Variants in NUDC observed in about 807,000 individuals in gnomAD.
NUDC encodes nuclear migration protein nudC.
NUDC carries 14 observed loss-of-function variants against 45.0 expected under a neutral mutation model. That is an observed-to-expected ratio of 0.31 (90% CI 0.21 to 0.49). The LOEUF is 0.49. Among genes scored for constraint, NUDC ranks in the 20% least tolerant of loss-of-function variants. NUDC has a pLI of 0.99. For missense variants in NUDC, 323 were observed against 426.2 expected, an observed-to-expected ratio of 0.76 and a Z score of 2.13; for synonymous variants, 153 against 156.7, an observed-to-expected ratio of 0.98 and a Z score of 0.17.
At chr1:26,945,522 CGTT>C (rs757421225) in intron 7 of NUDC, 43 bp from the exon 8 acceptor site, 7 of 1,611,024 alleles carry the variant, frequency 4.3e-6, no homozygotes, top group African/African-American at 4.0e-5. Flanking sequence ...TGAGGGGCCT[CGTT>C]GTTTCCAGAG....
chr1:26,933,465 G>A (rs181500135), intron 2 of NUDC, among the ~76,000 whole-genome samples: 214 of 152,148 alleles, frequency 1.4e-3, no homozygotes, highest in African/African-American at 4.8e-3. Context: ...CCAGGCTGGA[G>A]TGCAATGATG....
At chr1:26,921,994 C>G in intron 1 of NUDC, 65 bp downstream of exon 1, 1 of 1,483,406 alleles carries the variant, frequency 6.7e-7, no homozygotes, top group Non-Finnish European at 9.2e-7. Context: ...CCCTTCTCTG[C>G]CTTCGAGGGC....
At chr1:26,911,046 A>T (rs915810496) in intron 2 of NUDC, 1 of 455,354 alleles carries the variant, frequency 2.2e-6, no homozygotes, top group Admixed American at 2.5e-5. Flanking sequence ...CTTGGCCTTC[A>T]AGCAGTTGCC....
In NUDC at chr1:26,912,031, G is replaced by T. The variant is rs770359977; in HGVS notation, c.93+796G>T. 8.1e-6 allele frequency: 13 copies of T among 1,614,078 alleles called. No individual in the cohort carries two copies. The African/African-American group carries it at 1.2e-4, about 15-fold the overall frequency. On this transcript the variant is annotated intron_variant, in intron 3 of 6. Coordinates refer to the NUDC transcript ENST00000435827. ...GTTCCAGGACTTCACACAGCACCCA[G>T]TGAGCCTCCTGCTGCAGGTGCCCAA...
intron 2 of NUDC, among the ~76,000 whole-genome samples, chr1:26,935,947 A>G (rs1296348067): frequency 6.7e-6 from 1 of 149,108 alleles, no homozygotes; most frequent in Non-Finnish European, 1.5e-5. Context: ...GGGTAATATA[A>G]TGAGACTCCA....
chr1:26,928,956 G>A (rs1215864697), intron 2 of NUDC, among the ~76,000 whole-genome samples: 1 of 152,138 alleles, frequency 6.6e-6, no homozygotes, highest in Non-Finnish European at 1.5e-5. Flanking sequence ...GGATTTACTT[G>A]CACACCCATG....
intron 6 of NUDC, among the ~76,000 whole-genome samples, chr1:26,944,696 GGA>G (rs1212298789): frequency 6.6e-6 from 1 of 152,098 alleles, no homozygotes. Context: ...CAGCTACTTG[GGA>G]GTCTGAGGCA....
At chr1:26,913,692 G>C in intron 3 of NUDC, 1 of 1,611,434 alleles carries the variant, frequency 6.2e-7, no homozygotes, top group Non-Finnish European at 8.5e-7. Context: ...GCCGCCGCTG[G>C]TCCTGGGGAG....
intron 2 of NUDC, among the ~76,000 whole-genome samples, chr1:26,936,865 C>G (rs1049920145): frequency 2.6e-5 from 4 of 152,168 alleles, no homozygotes; most frequent in Non-Finnish European, 5.9e-5. Flanking sequence ...TGGACACCAA[C>G]TGGGTATCCT....
intron 1 of NUDC, chr1:26,900,446 G>C (rs1191363926): frequency 1.2e-6 from 2 of 1,607,234 alleles, no homozygotes; most frequent in Non-Finnish European, 1.7e-6. Context: ...CCGCCATCTT[G>C]GATTGTCACA....
chr1:26,921,784 C>T lies in NUDC; in HGVS notation c.-65C>T, dbSNP rs41307925. ...TAGAGTCGTTGGGCCCGGCGCGACC[C>T]GCAGGAGCGTAGAGAGCGCGGGACT... is the stretch of plus-strand genomic sequence containing the variant. On this transcript the variant is annotated 5_prime_UTR_variant, in exon 1 of 9. Coordinates refer to ENST00000321265, the MANE Select transcript of NUDC (RefSeq NM_006600.4). 29,035 of 1,511,244 alleles carry T rather than the reference C, an allele frequency of 0.019. 329 individuals are homozygous for T. Among genetic ancestry groups the T allele is most frequent in the Non-Finnish European group, 0.022 (24,759 of 1,113,236 alleles). 93.6% of individuals were successfully genotyped at this position (1,511,244 alleles called of 1,614,324 possible).
intron 2 of NUDC, among the ~76,000 whole-genome samples, chr1:26,931,785 AAG>A (rs1360425779): frequency 2.0e-5 from 3 of 150,712 alleles, no homozygotes; most frequent in Middle Eastern, 3.4e-3. Context: ...CAAAAAAAAA[AAG>A]AGATTTCTCC....
intron 3 of NUDC, chr1:26,913,628 C>T: frequency 6.2e-7 from 1 of 1,614,042 alleles, no homozygotes; most frequent in South Asian, 1.1e-5. Context: ...TCAAAGGTCA[C>T]AGCATCTTGG....
intron 6 of NUDC, 148 bp from the exon 7 acceptor site, chr1:26,945,242 A>G: frequency 1.4e-6 from 1 of 699,588 alleles, no homozygotes; most frequent in South Asian, 1.5e-5. Flanking sequence ...GGAAGGGCAC[A>G]GTCTTGTACC....
At chr1:26,933,291 C>T (rs1467747192) in intron 2 of NUDC, among the ~76,000 whole-genome samples, 2 of 151,908 alleles carry the variant, frequency 1.3e-5, no homozygotes, top group Non-Finnish European at 2.9e-5. Flanking sequence ...GCTTTCACCC[C>T]TTGGTTATTG....
upstream of NUDC, among the ~76,000 whole-genome samples, chr1:26,919,077 T>C: frequency 7.5e-6 from 1 of 133,920 alleles, no homozygotes; most frequent in East Asian, 1.9e-4. Context: ...CACATCCAGC[T>C]ACTTTTTTTT....
At position 26,940,164 on chromosome 1, in the gene NUDC, C is replaced by T. The variant is rs757929716; in HGVS notation, c.160-1293C>T. ...AAAGCTCCCTGGCTTTGACCTGGCGCGGTAGCTCATACCTATAATCCCAGC... is the reference window on the plus strand; with the variant it reads ...AAAGCTCCCTGGCTTTGACCTGGCGTGGTAGCTCATACCTATAATCCCAGC... On this transcript the variant is annotated intron_variant, in intron 2 of 8. Transcript: ENST00000321265. Among the ~76,000 whole-genome samples the T allele has an allele frequency of 4.0e-5, 6 of 149,806 alleles. No individual in the cohort carries two copies. In the South Asian group the frequency reaches 8.6e-4, roughly 21 times the overall value.
At chr1:26,930,315 G>A (rs55977524) in intron 2 of NUDC, among the ~76,000 whole-genome samples, 8 of 152,116 alleles carry the variant, frequency 5.3e-5, no homozygotes, top group African/African-American at 1.4e-4. Context: ...GAGTATAGGC[G>A]TGCCCCACCA....
intron 3 of NUDC, chr1:26,913,540 T>C: frequency 1.9e-6 from 3 of 1,613,946 alleles, no homozygotes; most frequent in Non-Finnish European, 2.5e-6. Context: ...GTCTGGCAGT[T>C]GGCCACTGCC....
Sources: gnomAD v4.1 joint callset for allele counts (sites outside exome capture counted in the v4.1 genomes callset) on GRCh38, gnomAD v4.1.1 for gene constraint, MANE v1.5 for transcripts, NCBI Gene and HGNC (gene_info 2026-07-23, HGNC 2026-07-21) for gene names.